Variants in ZNF804A observed in about 807,000 individuals in gnomAD.
ZNF804A encodes the protein zinc finger protein 804A.
In ZNF804A, 2 loss-of-function variants were observed where a neutral mutation model predicts 16.5. The observed-to-expected ratio is 0.12, with a 90% CI of 0.05 to 0.38. ZNF804A has a LOEUF of 0.38. ZNF804A is among the 10% of genes least tolerant of loss of function. The probability of loss-of-function intolerance (pLI) is 0.99; values close to 1 mark genes in which losing one functional copy is unlikely to be tolerated. For missense variants in ZNF804A, 1,473 were observed against 1,390.7 expected (o/e 1.06, Z -0.94); for synonymous variants, 534 against 489.6 (o/e 1.09, Z -1.20).
intron 1 of ZNF804A, among the ~76,000 whole-genome samples, chr2:184,815,302 T>C (rs970075574): frequency 1.3e-5 from 2 of 151,992 alleles, no homozygotes. Flanking sequence ...ATCTAATATT[T>C]TCTCAAATAA....
intron 2 of ZNF804A, among the ~76,000 whole-genome samples, chr2:184,874,271 G>A (rs11892202): frequency 0.062 from 9,400 of 152,134 alleles, 994 homozygotes; most frequent in African/African-American, 0.21. Context: ...GATACCATAG[G>A]AGACGTAACC....
chr2:184,718,230 G>A (rs1372395226), intron 1 of ZNF804A, among the ~76,000 whole-genome samples: 1 of 129,882 alleles, frequency 7.7e-6, no homozygotes, highest in African/African-American at 2.5e-5. Flanking sequence ...TTCACTGTCA[G>A]AAGAACAGCA....
intron 1 of ZNF804A, among the ~76,000 whole-genome samples, chr2:184,666,498 A>T (rs1692257792): frequency 6.6e-6 from 1 of 152,046 alleles, no homozygotes; most frequent in African/African-American, 2.4e-5. Context: ...TTTATATCTA[A>T]TATAAAAATT....
At chr2:184,637,959 A>G (rs1289939550) in intron 1 of ZNF804A, among the ~76,000 whole-genome samples, 2 of 152,142 alleles carry the variant, frequency 1.3e-5, no homozygotes, top group East Asian at 1.9e-4. Context: ...TTTCCTTCTT[A>G]TGACCTCCAG....
chr2:184,772,501 A>G (rs746430367), intron 1 of ZNF804A, among the ~76,000 whole-genome samples: 8 of 151,928 alleles, frequency 5.3e-5, no homozygotes, highest in Non-Finnish European at 1.2e-4. Flanking sequence ...TTTATTAGCT[A>G]TGTATATATA....
chr2:184,890,290 C>G (rs935960794), intron 2 of ZNF804A, among the ~76,000 whole-genome samples: 1 of 152,130 alleles, frequency 6.6e-6, no homozygotes, highest in South Asian at 2.1e-4. Flanking sequence ...AGAAGAAATG[C>G]TAGATGTTAA....
intron 1 of ZNF804A, among the ~76,000 whole-genome samples, chr2:184,618,513 A>G (rs1661317935): frequency 6.6e-6 from 1 of 152,126 alleles, no homozygotes; most frequent in African/African-American, 2.4e-5. Context: ...ATATTTTTCT[A>G]ATACAGTTAG....
At chr2:184,617,911 T>C (rs1691352600) in intron 1 of ZNF804A, among the ~76,000 whole-genome samples, 1 of 151,936 alleles carries the variant, frequency 6.6e-6, no homozygotes, top group South Asian at 2.1e-4. Context: ...TTGATATTAT[T>C]ATAATTGCCA....
At chr2:184,726,921 A>G (rs1693421773) in intron 1 of ZNF804A, among the ~76,000 whole-genome samples, 2 of 151,746 alleles carry the variant, frequency 1.3e-5, no homozygotes, top group Admixed American at 6.6e-5. Flanking sequence ...AGTATAATGC[A>G]TGTTAATACA....
chr2:184,864,531 G>A (rs1180692053), intron 1 of ZNF804A, among the ~76,000 whole-genome samples: 1 of 152,142 alleles, frequency 6.6e-6, no homozygotes, highest in Non-Finnish European at 1.5e-5. Context: ...TCTTTAAAAT[G>A]AGAAAGTAAG....
At chr2:184,786,113 C>A (rs547087692) in intron 1 of ZNF804A, among the ~76,000 whole-genome samples, 1 of 152,074 alleles carries the variant, frequency 6.6e-6, no homozygotes, top group East Asian at 1.9e-4. Context: ...CAAAGAAAAT[C>A]CTAACTCTAA....
chr2:184,814,972 T>C (rs1694959791), intron 1 of ZNF804A, among the ~76,000 whole-genome samples: 1 of 152,034 alleles, frequency 6.6e-6, no homozygotes. Context: ...ATTGCTAGCC[T>C]CAACTCTGAG....
chr2:184,734,918 C>T (rs953737940), intron 1 of ZNF804A, among the ~76,000 whole-genome samples: 1 of 152,118 alleles, frequency 6.6e-6, no homozygotes, highest in African/African-American at 2.4e-5. Flanking sequence ...TATGCAATGT[C>T]TCCCTTATCT....
intron 1 of ZNF804A, among the ~76,000 whole-genome samples, chr2:184,620,444 T>C (rs1202058838): frequency 6.6e-6 from 1 of 151,842 alleles, no homozygotes; most frequent in Non-Finnish European, 1.5e-5. Flanking sequence ...TGACATTAGA[T>C]TGGAATCTAA....
chr2:184,615,983 A>G (rs983247920), intron 1 of ZNF804A, among the ~76,000 whole-genome samples: 3 of 152,140 alleles, frequency 2.0e-5, no homozygotes, highest in Non-Finnish European at 2.9e-5. Context: ...AGCATTGACC[A>G]TTTTGGTTCC....
chr2:184,621,435 A>G (rs1031131718), intron 1 of ZNF804A, among the ~76,000 whole-genome samples: 15 of 151,734 alleles, frequency 9.9e-5, no homozygotes, highest in Non-Finnish European at 1.9e-4. Flanking sequence ...TCCGACATAA[A>G]TGGCTTCAGA....
intron 1 of ZNF804A, among the ~76,000 whole-genome samples, chr2:184,802,222 C>G (rs998005351): frequency 6.6e-6 from 1 of 152,158 alleles, no homozygotes; most frequent in East Asian, 1.9e-4. Flanking sequence ...CCTTCTCCTG[C>G]TCATCTCACT....
chr2:184,699,389 A>C (rs533295016), intron 1 of ZNF804A, among the ~76,000 whole-genome samples: 1 of 152,260 alleles, frequency 6.6e-6, no homozygotes, highest in South Asian at 2.1e-4. Context: ...CATTATGCAT[A>C]ATGATGTATT....
At chr2:184,644,330 C>T (rs2105695858) in intron 1 of ZNF804A, among the ~76,000 whole-genome samples, 1 of 151,372 alleles carries the variant, frequency 6.6e-6, no homozygotes, top group South Asian at 2.1e-4. Context: ...TATTTATAAC[C>T]CATGCAGAAG....
Sources: gnomAD v4.1 joint callset for allele counts (sites outside exome capture counted in the v4.1 genomes callset) on GRCh38, gnomAD v4.1.1 for gene constraint, MANE v1.5 for transcripts, NCBI Gene and HGNC (gene_info 2026-07-23, HGNC 2026-07-21) for gene names.